Variants in SHISA9 observed in about 807,000 individuals in gnomAD.
The protein encoded by SHISA9 is shisa family member 9.
Under a neutral mutation model 38.0 loss-of-function variants are expected in SHISA9, and 13 were observed. That is an observed-to-expected ratio of 0.34 (90% CI 0.22 to 0.54). The LOEUF is 0.54. Among genes scored for constraint, SHISA9 ranks in the 20% least tolerant of loss-of-function variants. The pLI is 0.91. For missense variants in SHISA9, 538 were observed against 575.8 expected, an observed-to-expected ratio of 0.93 and a Z score of 0.67; for synonymous variants, 275 against 242.0, an observed-to-expected ratio of 1.14 and a Z score of -1.27.
At chr16:13,533,780 A>AT in the SHISA9 span, among the ~76,000 whole-genome samples, 1 of 114,294 alleles carries the variant, frequency 8.7e-6, no homozygotes, top group African/African-American at 3.4e-5. Context: ...CATAACTCTC[A>AT]ATTTTTTTTT....
chr16:13,294,255 A>T, the SHISA9 span, among the ~76,000 whole-genome samples: 13 of 152,304 alleles, frequency 8.5e-5, no homozygotes, highest in African/African-American at 3.1e-4. Context: ...ATATCACATG[A>T]CCATGGATTC....
the SHISA9 span, among the ~76,000 whole-genome samples, chr16:13,401,715 C>A: frequency 2.2e-4 from 33 of 152,182 alleles, no homozygotes; most frequent in Non-Finnish European, 4.3e-4. Context: ...GCATCTGGAT[C>A]TTGGAATTCC....
chr16:12,933,550 C>T (rs543717837), intron 2 of SHISA9, among the ~76,000 whole-genome samples: 29 of 152,284 alleles, frequency 1.9e-4, no homozygotes, highest in African/African-American at 6.0e-4. Flanking sequence ...TCCTTGGCCT[C>T]CCAAAGTGCT....
chr16:12,915,161 G>A (rs970324986), intron 1 of SHISA9, among the ~76,000 whole-genome samples: 3 of 152,162 alleles, frequency 2.0e-5, no homozygotes, highest in Admixed American at 6.5e-5. Flanking sequence ...AGAGGAGGCC[G>A]GTATGAAGAT....
chr16:13,199,973 C>A (rs1211077766), intron 2 of SHISA9, among the ~76,000 whole-genome samples: 1 of 152,124 alleles, frequency 6.6e-6, no homozygotes, highest in Non-Finnish European at 1.5e-5. Context: ...TGGGAAGTTG[C>A]CAGTGCTAAC....
At chr16:13,515,570 C>G in the SHISA9 span, among the ~76,000 whole-genome samples, 13 of 152,208 alleles carry the variant, frequency 8.5e-5, no homozygotes, top group Middle Eastern at 6.8e-3. Flanking sequence ...TGTTTGACAG[C>G]AAAGTCCTTG....
chr16:13,483,505 A>C, the SHISA9 span, among the ~76,000 whole-genome samples: 1 of 152,258 alleles, frequency 6.6e-6, no homozygotes, highest in South Asian at 2.1e-4. Flanking sequence ...ATTTTACTGG[A>C]TTTTGACCAC....
At chr16:13,019,827 T>C (rs1200355384) in intron 2 of SHISA9, among the ~76,000 whole-genome samples, 11 of 117,996 alleles carry the variant, frequency 9.3e-5, no homozygotes, top group East Asian at 2.6e-4. Context: ...TTTCTTTCTT[T>C]CTTTCTTTTT....
chr16:13,085,273 C>T (rs1327245036), intron 2 of SHISA9, among the ~76,000 whole-genome samples: 1 of 151,718 alleles, frequency 6.6e-6, no homozygotes, highest in Non-Finnish European at 1.5e-5. Context: ...TATGTCGATA[C>T]CTATACTCCA....
intron 2 of SHISA9, among the ~76,000 whole-genome samples, chr16:13,143,061 C>T (rs939334142): frequency 6.5e-5 from 9 of 137,500 alleles, no homozygotes; most frequent in African/African-American, 2.5e-4. Context: ...GGGTGGAGTG[C>T]AGTGGTGTGA....
chr16:13,296,920 A>AAAG, the SHISA9 span, among the ~76,000 whole-genome samples: 1 of 148,654 alleles, frequency 6.7e-6, no homozygotes, highest in Admixed American at 6.7e-5. Flanking sequence ...AAAAAAAAAA[A>AAAG]AGAGAATGCT....
the SHISA9 span, among the ~76,000 whole-genome samples, chr16:13,254,146 A>G: frequency 2.0e-5 from 3 of 152,186 alleles, no homozygotes; most frequent in African/African-American, 7.2e-5. Flanking sequence ...CCATTTATTG[A>G]AAGTCTACTA....
At chr16:13,227,935 A>G (rs570480299) in intron 4 of SHISA9, among the ~76,000 whole-genome samples, 1 of 152,320 alleles carries the variant, frequency 6.6e-6, no homozygotes, top group East Asian at 1.9e-4. Context: ...GTGTTCAAAC[A>G]ATGTCTGTCA....
the SHISA9 span, among the ~76,000 whole-genome samples, chr16:13,401,951 C>G: frequency 6.6e-6 from 1 of 152,112 alleles, no homozygotes; most frequent in Non-Finnish European, 1.5e-5. Context: ...TCTCATGAGA[C>G]TCATCCCATA....
intron 2 of SHISA9, among the ~76,000 whole-genome samples, chr16:12,917,259 T>C (rs2071270501): frequency 6.6e-6 from 1 of 152,248 alleles, no homozygotes; most frequent in Non-Finnish European, 1.5e-5. Context: ...TTTCATGCTG[T>C]TTTCAATTAT....
At chr16:13,514,489 C>A in the SHISA9 span, among the ~76,000 whole-genome samples, 64,280 of 151,820 alleles carry the variant, frequency 0.42, 13,640 homozygotes, top group East Asian at 0.53. Context: ...ATGTGGAAGG[C>A]AAGTTGACTA....
At chr16:13,212,537 C>T (rs1378495587) in intron 3 of SHISA9, among the ~76,000 whole-genome samples, 1 of 152,186 alleles carries the variant, frequency 6.6e-6, no homozygotes, top group Non-Finnish European at 1.5e-5. Flanking sequence ...AAACTCCAGG[C>T]ACACACCTGT....
At chr16:13,228,841 C>T (rs180839677) in intron 4 of SHISA9, among the ~76,000 whole-genome samples, 40 of 152,156 alleles carry the variant, frequency 2.6e-4, no homozygotes, top group Admixed American at 1.9e-3. Flanking sequence ...TGATCCTCTC[C>T]CTCTTCCCTC....
the SHISA9 span, among the ~76,000 whole-genome samples, chr16:13,279,631 G>A: frequency 1.3e-5 from 2 of 151,872 alleles, no homozygotes; most frequent in South Asian, 2.1e-4. Flanking sequence ...TACAACTGAT[G>A]GATGTAGAGG....
Sources: gnomAD v4.1 joint callset for allele counts (sites outside exome capture counted in the v4.1 genomes callset) on GRCh38, gnomAD v4.1.1 for gene constraint, MANE v1.5 for transcripts, NCBI Gene and HGNC (gene_info 2026-07-23, HGNC 2026-07-21) for gene names.